Variants in AMZ2 observed in about 807,000 individuals in gnomAD.
AMZ2 encodes the protein archaelysin family metallopeptidase 2.
In AMZ2, 26 loss-of-function variants were observed where a neutral mutation model predicts 36.7. The observed-to-expected ratio is 0.71, with a 90% CI of 0.52 to 0.98. The LOEUF (loss-of-function observed/expected upper bound fraction) is 0.98. Ranked by LOEUF, AMZ2 falls within the 50% of genes least tolerant of loss-of-function variation. The probability of loss-of-function intolerance (pLI) is 0.00; values close to 1 mark genes in which losing one functional copy is unlikely to be tolerated. For missense variants in AMZ2, 394 were observed against 430.5 expected, an observed-to-expected ratio of 0.92 and a Z score of 0.75; for synonymous variants, 144 against 149.1, an observed-to-expected ratio of 0.97 and a Z score of 0.25.
chr17:68,244,251 A>G (rs1404902121), upstream of AMZ2, among the ~76,000 whole-genome samples: 17 of 152,272 alleles, frequency 1.1e-4, no homozygotes, highest in Middle Eastern at 6.8e-3. Context: ...TTTTGGGAAT[A>G]TACTCTGAGA....
chr17:68,251,806 AT>A (rs1189467117), intron 4 of AMZ2, among the ~76,000 whole-genome samples: 2 of 152,214 alleles, frequency 1.3e-5, no homozygotes, highest in Non-Finnish European at 2.9e-5. Flanking sequence ...CTTGCTAATT[AT>A]TTTTCAATTC....
chr17:68,248,956 A>G, intron 1 of AMZ2: 2 of 759,366 alleles, frequency 2.6e-6, no homozygotes, highest in South Asian at 1.3e-4. Flanking sequence ...TAATTAGAAA[A>G]TATGACAAAG....
chr17:68,216,039 C>T (rs565742161), intron 1 of AMZ2, among the ~76,000 whole-genome samples: 1,608 of 152,308 alleles, frequency 0.011, 22 homozygotes, highest in African/African-American at 0.036. Context: ...GCACTTCATG[C>T]ATGCCTCACA....
chr17:68,225,029 C>A lies in AMZ2; in HGVS notation c.-67+18791C>A, dbSNP rs868978674. Among the ~76,000 whole-genome samples, 954 of 149,702 alleles carry A rather than the reference C, an allele frequency of 6.4e-3. 10 individuals carry two copies. The highest frequency in any genetic ancestry group is 0.021 in the African/African-American group (871 of 40,662). On this transcript the variant is annotated intron_variant, in intron 1 of 7. Coordinates refer to the AMZ2 transcript ENST00000674770. The stretch of plus-strand genomic sequence containing the variant: ...CCCGTTTCTACTAAAAAAAAAAACA[C>A]ACACACACAAAAATTAGCTGGGCAT...
intron 1 of AMZ2, among the ~76,000 whole-genome samples, chr17:68,227,048 G>T (rs1245523227): frequency 6.6e-6 from 1 of 151,456 alleles, no homozygotes; most frequent in Admixed American, 6.6e-5. Flanking sequence ...CACCGAGAGA[G>T]GGAGGCCCTA....
At chr17:68,236,625 G>A (rs2073795670) in intron 1 of AMZ2, among the ~76,000 whole-genome samples, 1 of 138,402 alleles carries the variant, frequency 7.2e-6, no homozygotes, top group East Asian at 2.2e-4. Context: ...AGGCTGGAGC[G>A]CACTGGGGAG....
chr17:68,249,112 G>T, intron 1 of AMZ2: 1 of 1,184,698 alleles, frequency 8.4e-7, no homozygotes, highest in South Asian at 4.2e-5. Flanking sequence ...GCTGGCTTTT[G>T]ATTAGTCATC....
At chr17:68,222,938 G>A (rs529616206) in intron 1 of AMZ2, among the ~76,000 whole-genome samples, 1 of 152,022 alleles carries the variant, frequency 6.6e-6, no homozygotes, top group Non-Finnish European at 1.5e-5. Context: ...TGACTTCCTA[G>A]AGTCAGGAGA....
At chr17:68,232,713 C>T (rs557979935) in intron 1 of AMZ2, among the ~76,000 whole-genome samples, 1 of 152,170 alleles carries the variant, frequency 6.6e-6, no homozygotes, top group South Asian at 2.1e-4. Flanking sequence ...TGTGGTGCTG[C>T]ATGCCTGTAA....
chr17:68,218,338 C>T (rs1397123112), intron 1 of AMZ2, among the ~76,000 whole-genome samples: 5 of 151,592 alleles, frequency 3.3e-5, no homozygotes, highest in East Asian at 1.9e-4. Flanking sequence ...AATAAAACTA[C>T]GTGAACACAG....
chr17:68,234,159 C>T (rs1279817614), intron 1 of AMZ2, among the ~76,000 whole-genome samples: 2 of 151,962 alleles, frequency 1.3e-5, no homozygotes, highest in African/African-American at 4.8e-5. Context: ...TGGAGAACCC[C>T]TGTTTCTACT....
chr17:68,214,350 G>A (rs1195308250), intron 1 of AMZ2, among the ~76,000 whole-genome samples: 2 of 152,192 alleles, frequency 1.3e-5, no homozygotes, highest in African/African-American at 4.8e-5. Flanking sequence ...TGTCCTGCTT[G>A]AAGCATGGAG....
intron 1 of AMZ2, among the ~76,000 whole-genome samples, chr17:68,208,968 C>T (rs1422786521): frequency 2.0e-5 from 3 of 152,214 alleles, no homozygotes; most frequent in African/African-American, 7.2e-5. Flanking sequence ...ACACTCAGCG[C>T]GAGGGTCTGC....
intron 1 of AMZ2, among the ~76,000 whole-genome samples, chr17:68,211,796 ATG>A (rs66599246): frequency 0.25 from 21,156 of 85,274 alleles, 4,063 homozygotes; most frequent in African/African-American, 0.55. Flanking sequence ...ATATGTATAT[ATG>A]TGTATATGTA....
At chr17:68,217,615 T>C (rs1555727608) in intron 1 of AMZ2, among the ~76,000 whole-genome samples, 1 of 152,150 alleles carries the variant, frequency 6.6e-6, no homozygotes, top group African/African-American at 2.4e-5. Flanking sequence ...AACTGTACTT[T>C]TGTGGTAGAT....
chr17:68,239,916 A>G (rs535080270), intron 1 of AMZ2, among the ~76,000 whole-genome samples: 1 of 152,334 alleles, frequency 6.6e-6, no homozygotes, highest in South Asian at 2.1e-4. Context: ...AACAGAACAA[A>G]TCTTCAAAAG....
chr17:68,250,657 C>A, intron 2 of AMZ2, 137 bp from the exon 3 acceptor site: 2 of 1,171,104 alleles, frequency 1.7e-6, no homozygotes, highest in Non-Finnish European at 2.4e-6. Context: ...TGTTTCATAG[C>A]AACACCAATG....
rs11298867 is a variant in AMZ2 at position 68,220,782 on chromosome 17, CTT to C, written c.-67+14559_-67+14560del. ...GGACACTTTTTTTCTTTTTCTTTCT[CTT>C]TTTTTTTTTTTTTTGAGACAGGGTC... On this transcript the variant is annotated intron_variant, in intron 1 of 7. Coordinates refer to the AMZ2 transcript ENST00000674770. Among the ~76,000 whole-genome samples the C allele has an allele frequency of 4.1e-3, 537 of 131,742 alleles. 2 individuals carry two copies. The highest frequency in any genetic ancestry group is 0.013 in the African/African-American group (444 of 34,918). 86.4% of individuals were successfully genotyped at this position (131,742 alleles called of 152,430 possible).
intron 1 of AMZ2, among the ~76,000 whole-genome samples, chr17:68,216,908 C>T (rs1236495438): frequency 3.9e-5 from 6 of 151,986 alleles, no homozygotes; most frequent in Admixed American, 3.9e-4. Flanking sequence ...TGGCACGTGC[C>T]TGTAGTTCCA....
Sources: gnomAD v4.1 joint callset for allele counts (sites outside exome capture counted in the v4.1 genomes callset) on GRCh38, gnomAD v4.1.1 for gene constraint, MANE v1.5 for transcripts, NCBI Gene and HGNC (gene_info 2026-07-23, HGNC 2026-07-21) for gene names.